The following MYO3B variants were observed in gnomAD, a reference collection of about 807,000 sequenced individuals.
MYO3B encodes myosin-IIIb.
A neutral mutation model predicts 174.6 loss-of-function variants in MYO3B; 156 were observed. The ratio of observed to expected loss-of-function variants is 0.89; its 90% CI spans 0.78 to 1.02. MYO3B has a LOEUF of 1.02. Among genes scored for constraint, MYO3B ranks in the 50% least tolerant of loss-of-function variants. MYO3B has a pLI of 0.00. For missense variants in MYO3B, 1,632 were observed against 1,639.4 expected (o/e 1.00, Z 0.08); for synonymous variants, 563 against 569.1 (o/e 0.99, Z 0.15).
At chr2:170,381,995 A>T (rs2094339091) in intron 9 of MYO3B, 21 bp from the exon 10 acceptor site, 2 of 1,600,616 alleles carry the variant, frequency 1.2e-6, no homozygotes, top group Non-Finnish European at 1.7e-6. Flanking sequence ...TAATGCTTAA[A>T]CTCTCTTGAT....
At chr2:170,628,485 T>C (rs1349471792) in intron 32 of MYO3B, among the ~76,000 whole-genome samples, 1 of 152,216 alleles carries the variant, frequency 6.6e-6, no homozygotes, top group Non-Finnish European at 1.5e-5. Flanking sequence ...CCCTGACCCC[T>C]TGTGCTTCCT....
chr2:170,182,101 T>C (rs115580028), intron 1 of MYO3B, among the ~76,000 whole-genome samples: 5,386 of 152,204 alleles, frequency 0.035, 136 homozygotes, highest in Middle Eastern at 0.068. Flanking sequence ...TTTGGAAAAA[T>C]GTTAGTACTT....
chr2:170,466,458 A>G (rs149855996), intron 24 of MYO3B, 48 bp from the exon 25 acceptor site: 674 of 1,573,668 alleles, frequency 4.3e-4, no homozygotes, highest in Non-Finnish European at 5.3e-4. Context: ...GTAACTATCC[A>G]TTGTGTTGGT....
intron 32 of MYO3B, among the ~76,000 whole-genome samples, chr2:170,551,256 A>T (rs890395065): frequency 7.9e-5 from 12 of 152,034 alleles, no homozygotes; most frequent in Non-Finnish European, 1.5e-5. Flanking sequence ...ACTTCTGCTA[A>T]CCTGGCTGTA....
At chr2:170,601,634 TTCC>T in intron 32 of MYO3B, 1 of 1,299,364 alleles carries the variant, frequency 7.7e-7, no homozygotes, top group Middle Eastern at 2.6e-4. Flanking sequence ...CTTCTTCATC[TTCC>T]TCCTCATAAT....
Position 170,552,718 on chromosome 2 carries a change from C to T in MYO3B, c.3733+8730C>T, listed in dbSNP as rs556783429. ...CAGAAATTTGTATGAGTAAAGAGGA[C>T]CTGAATGTTAATAGCCAAAACAATG... On this transcript the variant is annotated intron_variant, in intron 32 of 34. Transcript: ENST00000408978. Among the ~76,000 whole-genome samples, 4 of 152,214 alleles carry T rather than the reference C, an allele frequency of 2.6e-5. No homozygotes were observed. The South Asian group carries it at 8.3e-4, about 32-fold the overall frequency.
At chr2:170,528,630 T>C (rs1009295887) in intron 30 of MYO3B, among the ~76,000 whole-genome samples, 3 of 152,184 alleles carry the variant, frequency 2.0e-5, no homozygotes, top group African/African-American at 7.2e-5. Flanking sequence ...GGTCTCAATC[T>C]CTTGACCTCA....
At chr2:170,225,628 G>A (rs1346332033) in intron 6 of MYO3B, among the ~76,000 whole-genome samples, 2 of 152,128 alleles carry the variant, frequency 1.3e-5, no homozygotes, top group African/African-American at 4.8e-5. Flanking sequence ...AATGATTGTG[G>A]TTCAGTTATT....
At chr2:170,642,622 A>G (rs1279562862) in intron 32 of MYO3B, among the ~76,000 whole-genome samples, 1 of 152,214 alleles carries the variant, frequency 6.6e-6, no homozygotes, top group African/African-American at 2.4e-5. Flanking sequence ...CAAGCATCAT[A>G]ATAGAGGCCA....
At chr2:170,326,679 A>G (rs1450534340) in intron 7 of MYO3B, among the ~76,000 whole-genome samples, 6 of 152,146 alleles carry the variant, frequency 3.9e-5, no homozygotes, top group Admixed American at 3.9e-4. Context: ...GTGTTTGCGT[A>G]AGGAGAGTAC....
chr2:170,478,033 A>C (rs1425512710), intron 25 of MYO3B, among the ~76,000 whole-genome samples: 1 of 152,208 alleles, frequency 6.6e-6, no homozygotes, highest in African/African-American at 2.4e-5. Context: ...CATTTAAGGC[A>C]GGAAAAAAGG....
At chr2:170,497,536 C>T (rs1228220540) in intron 25 of MYO3B, among the ~76,000 whole-genome samples, 2 of 151,734 alleles carry the variant, frequency 1.3e-5, no homozygotes, top group Non-Finnish European at 2.9e-5. Context: ...GAGAATGGCG[C>T]AAACCCGGGA....
intron 25 of MYO3B, among the ~76,000 whole-genome samples, chr2:170,486,709 A>G (rs1304205564): frequency 6.6e-6 from 1 of 152,184 alleles, no homozygotes; most frequent in Non-Finnish European, 1.5e-5. Context: ...CATCAGTAGC[A>G]TTCTTGACCT....
intron 32 of MYO3B, among the ~76,000 whole-genome samples, chr2:170,642,453 A>G (rs1009932935): frequency 2.6e-5 from 4 of 152,150 alleles, no homozygotes; most frequent in African/African-American, 9.7e-5. Context: ...CTTTCCTTTC[A>G]TCTTAAAAAG....
intron 32 of MYO3B, among the ~76,000 whole-genome samples, chr2:170,645,778 A>G (rs1411514654): frequency 6.6e-6 from 1 of 152,236 alleles, no homozygotes; most frequent in Non-Finnish European, 1.5e-5. Context: ...TAATGCATGT[A>G]CAAGCATAGA....
At chr2:170,379,194 ATT>A (rs11332233) in intron 9 of MYO3B, among the ~76,000 whole-genome samples, 25,796 of 76,404 alleles carry the variant, frequency 0.34, 1,889 homozygotes, top group South Asian at 0.44. Context: ...ATGTGGTACA[ATT>A]TTTTTTTTTT....
At chr2:170,232,224 CAAG>C (rs1181115175) in intron 6 of MYO3B, among the ~76,000 whole-genome samples, 1 of 152,148 alleles carries the variant, frequency 6.6e-6, no homozygotes, top group Non-Finnish European at 1.5e-5. Flanking sequence ...AACCTAGAGA[CAAG>C]GAGAATGTTG....
intron 32 of MYO3B, among the ~76,000 whole-genome samples, chr2:170,635,528 G>T (rs1697387576): frequency 6.6e-6 from 1 of 152,066 alleles, no homozygotes; most frequent in Non-Finnish European, 1.5e-5. Context: ...ACAAGTTAAT[G>T]GGTGCAGCAA....
At chr2:170,524,110 A>AGT (rs1011530919) in intron 30 of MYO3B, among the ~76,000 whole-genome samples, 1 of 152,216 alleles carries the variant, frequency 6.6e-6, no homozygotes, top group Non-Finnish European at 1.5e-5. Flanking sequence ...ACTGAAGGGA[A>AGT]GTGTTGAGAT....
Sources: allele counts gnomAD v4.1 joint callset (sites outside exome capture counted in the v4.1 genomes callset), GRCh38; gene constraint gnomAD v4.1.1; transcripts MANE v1.5; gene names NCBI Gene and HGNC (gene_info 2026-07-23, HGNC 2026-07-21).